The following CBLB variants were observed in gnomAD, a reference collection of about 807,000 sequenced individuals.
The protein encoded by CBLB is E3 ubiquitin-protein ligase CBL-B.
A neutral mutation model predicts 104.9 loss-of-function variants in CBLB; 31 were observed. The observed-to-expected ratio is 0.30, with a 90% CI of 0.22 to 0.40. The LOEUF (loss-of-function observed/expected upper bound fraction) is 0.40. CBLB is among the 10% of genes least tolerant of loss of function. The probability of loss-of-function intolerance (pLI) is 1.00; values close to 1 mark genes in which losing one functional copy is unlikely to be tolerated. For missense variants in CBLB, 1,062 were observed against 1,214.6 expected (o/e 0.87, Z 1.87); for synonymous variants, 440 against 422.6 (o/e 1.04, Z -0.51).
intron 4 of CBLB, among the ~76,000 whole-genome samples, chr3:105,766,423 C>T (rs2078232933): frequency 6.6e-6 from 1 of 152,100 alleles, no homozygotes; most frequent in African/African-American, 2.4e-5. Context: ...TATCAAACAG[C>T]ATTGCATGTT....
chr3:105,869,192 C>A, upstream of CBLB: 1 of 625,412 alleles, frequency 1.6e-6, no homozygotes, highest in East Asian at 5.3e-5. Flanking sequence ...CCACAGTACA[C>A]AATGGCCCCA....
At chr3:105,745,447 A>G (rs1046729382) in intron 6 of CBLB, among the ~76,000 whole-genome samples, 1 of 152,250 alleles carries the variant, frequency 6.6e-6, no homozygotes, top group Non-Finnish European at 1.5e-5. Flanking sequence ...GGTTTTGATT[A>G]TAACAATAGG....
At chr3:105,674,644 G>A (rs1031628743) in intron 17 of CBLB, among the ~76,000 whole-genome samples, 2 of 152,194 alleles carry the variant, frequency 1.3e-5, no homozygotes, top group Non-Finnish European at 1.5e-5. Context: ...AGAGGTAGGG[G>A]TGTCTACTTC....
intron 10 of CBLB, among the ~76,000 whole-genome samples, chr3:105,717,978 G>A (rs966912032): frequency 8.5e-5 from 13 of 152,204 alleles, no homozygotes; most frequent in East Asian, 3.9e-4. Flanking sequence ...TCTGTTTTAC[G>A]AAGGGGTAAA....
At chr3:105,762,949 G>A (rs560563740) in intron 4 of CBLB, among the ~76,000 whole-genome samples, 66 of 152,340 alleles carry the variant, frequency 4.3e-4, no homozygotes, top group African/African-American at 1.5e-3. Context: ...GCGAAGCCAC[G>A]GGGTGGAGCT....
intron 3 of CBLB, among the ~76,000 whole-genome samples, chr3:105,810,709 A>G (rs974085363): frequency 8.5e-5 from 13 of 152,264 alleles, no homozygotes; most frequent in African/African-American, 3.1e-4. Context: ...AGTAGGAAAT[A>G]TTACATATAA....
At chr3:105,814,369 T>C (rs1051964381) in intron 3 of CBLB, among the ~76,000 whole-genome samples, 46 of 152,306 alleles carry the variant, frequency 3.0e-4, no homozygotes, top group South Asian at 8.3e-4. Context: ...TTTATGCAAA[T>C]GGTATATTTA....
At chr3:105,770,678 G>A (rs2078770424) in intron 4 of CBLB, among the ~76,000 whole-genome samples, 1 of 152,158 alleles carries the variant, frequency 6.6e-6, no homozygotes, top group Admixed American at 6.5e-5. Context: ...CCATGCCTGG[G>A]AAGACGAAGA....
intron 3 of CBLB, among the ~76,000 whole-genome samples, chr3:105,798,894 T>G (rs1377477300): frequency 6.6e-6 from 1 of 152,214 alleles, no homozygotes; most frequent in Non-Finnish European, 1.5e-5. Flanking sequence ...TATGCTGTTG[T>G]TCTGGATGGC....
intron 14 of CBLB, among the ~76,000 whole-genome samples, chr3:105,685,068 C>T (rs1408247104): frequency 5.3e-5 from 8 of 152,108 alleles, no homozygotes; most frequent in African/African-American, 1.9e-4. Flanking sequence ...ACCTTAGTTT[C>T]TGAGCACTAA....
chr3:105,689,655 A>T (rs931291578), intron 13 of CBLB, among the ~76,000 whole-genome samples: 4 of 151,444 alleles, frequency 2.6e-5, no homozygotes, highest in Non-Finnish European at 5.9e-5. Flanking sequence ...AACTATTCAG[A>T]GTATCATTTA....
rs73854352 is a variant in CBLB, at chr3:105,657,261, T to C, written c.*1709A>G. ...ACCAGATCTACTAGATGTTCAGTCA[T>C]GTCCTTTCAGGTCCTGAAGGCAGGC... On this transcript the variant is annotated 3_prime_UTR_variant, in exon 19 of 19. Transcript: ENST00000394030. 673 of 220,560 alleles carry C rather than the reference T, an allele frequency of 3.1e-3. 4 individuals are homozygous for C. Among genetic ancestry groups the C allele is most frequent in the African/African-American group, 0.014 (625 of 44,796 alleles). The allele number at this position is 220,560 out of a possible 1,614,324, so 13.7% of individuals were successfully genotyped here.
At chr3:105,754,998 T>G (rs955201155) in intron 4 of CBLB, among the ~76,000 whole-genome samples, 4 of 151,416 alleles carry the variant, frequency 2.6e-5, no homozygotes, top group African/African-American at 9.7e-5. Context: ...TTTAAAGTCT[T>G]GAAAAACAGT....
intron 3 of CBLB, among the ~76,000 whole-genome samples, chr3:105,798,851 T>C (rs558889645): frequency 6.6e-6 from 1 of 152,302 alleles, no homozygotes; most frequent in South Asian, 2.1e-4. Context: ...ACTGCCTGCC[T>C]TATATGTGTG....
Position 105,678,537 on chromosome 3 carries a change from G to C in CBLB, c.2463C>G (p.Leu821=). 2 of 1,613,914 alleles carry C rather than the reference G, an allele frequency of 1.2e-6. No homozygotes were observed. Among genetic ancestry groups the C allele is most frequent in the Non-Finnish European group, 1.7e-6 (2 of 1,179,878 alleles). The stretch of plus-strand genomic sequence containing the variant: ...GCCTTGCAGGAGGTGGGGGAGGTGG[G>C]AGAGATGGAGGGAGGGCATCAAAAG... The part of the protein sequence containing the change: ...EDAFDALPPS[L]PPPPPPARHS... The change falls in exon 17 of 19, where the codon CTC becomes CTG. Residue 821 remains leucine, a synonymous_variant. Coordinates refer to ENST00000394030, the MANE Select transcript of CBLB (RefSeq NM_170662.5).
At chr3:105,810,801 C>T (rs1407944230) in intron 3 of CBLB, among the ~76,000 whole-genome samples, 3 of 152,002 alleles carry the variant, frequency 2.0e-5, no homozygotes, top group African/African-American at 7.2e-5. Context: ...TTTCTTTGTA[C>T]TTCTTGTTAG....
At chr3:105,759,966 T>C (rs1379736694) in intron 4 of CBLB, among the ~76,000 whole-genome samples, 2 of 152,226 alleles carry the variant, frequency 1.3e-5, no homozygotes, top group East Asian at 3.8e-4. Flanking sequence ...GCTGGGGCCA[T>C]CATTACTTCT....
intron 9 of CBLB, among the ~76,000 whole-genome samples, chr3:105,726,217 A>G (rs1347987139): frequency 6.6e-6 from 1 of 152,186 alleles, no homozygotes; most frequent in Non-Finnish European, 1.5e-5. Context: ...AGACAACTAT[A>G]TACATTTTCC....
intron 9 of CBLB, among the ~76,000 whole-genome samples, chr3:105,723,061 T>C (rs1181954130): frequency 6.6e-6 from 1 of 152,132 alleles, no homozygotes; most frequent in Non-Finnish European, 1.5e-5. Context: ...ACAATGAATG[T>C]GTCTCTAATG....
Sources: gnomAD v4.1 joint callset for allele counts (sites outside exome capture counted in the v4.1 genomes callset) on GRCh38, gnomAD v4.1.1 for gene constraint, MANE v1.5 for transcripts, NCBI Gene and HGNC (gene_info 2026-07-23, HGNC 2026-07-21) for gene names.